ASTN2: variants seen among roughly 807,000 people sequenced by gnomAD.
The protein encoded by ASTN2 is astrotactin-2.
In ASTN2, 54 loss-of-function variants were observed where a neutral mutation model predicts 139.8. The observed-to-expected ratio is 0.39, with a 90% confidence interval of 0.31 to 0.48. The LOEUF (loss-of-function observed/expected upper bound fraction) is 0.48. Among genes scored for constraint, ASTN2 ranks in the 20% least tolerant of loss-of-function variants. The pLI is 0.95. For synonymous variants in ASTN2, 756 were observed against 719.5 expected, an observed-to-expected ratio of 1.05 and a Z score of -0.81; for missense variants, 1,565 against 1,725.1, an observed-to-expected ratio of 0.91 and a Z score of 1.64.
chr9:117,254,806 C>T (rs897417152), intron 2 of ASTN2, among the ~76,000 whole-genome samples: 3 of 151,928 alleles, frequency 2.0e-5, no homozygotes, highest in Non-Finnish European at 4.4e-5. Context: ...ACTGTCTATT[C>T]TGTTCGATTA....
At chr9:116,621,270 G>C (rs1398064016) in intron 17 of ASTN2, among the ~76,000 whole-genome samples, 3 of 152,136 alleles carry the variant, frequency 2.0e-5, no homozygotes, top group Non-Finnish European at 4.4e-5. Flanking sequence ...GAATTGGCAT[G>C]GTTGTGTTCC....
chr9:116,827,328 A>G (rs1483801850), intron 11 of ASTN2, among the ~76,000 whole-genome samples: 1 of 151,430 alleles, frequency 6.6e-6, no homozygotes, highest in Non-Finnish European at 1.5e-5. Context: ...AAAAAAAAAA[A>G]AAAAAGAACT....
At chr9:117,289,707 GCC>G (rs993426123) in intron 2 of ASTN2, among the ~76,000 whole-genome samples, 2 of 152,166 alleles carry the variant, frequency 1.3e-5, no homozygotes, top group Non-Finnish European at 1.5e-5. Flanking sequence ...CTCAGCAAGT[GCC>G]CTGAGATGGT....
At chr9:117,222,427 A>G (rs1430776996) in intron 2 of ASTN2, among the ~76,000 whole-genome samples, 1 of 152,136 alleles carries the variant, frequency 6.6e-6, no homozygotes, top group Non-Finnish European at 1.5e-5. Flanking sequence ...GGGGCCTGAA[A>G]GGAGACTTGT....
chr9:117,115,754 G>A (rs112641963), intron 4 of ASTN2, among the ~76,000 whole-genome samples: 10 of 152,004 alleles, frequency 6.6e-5, no homozygotes, highest in South Asian at 4.2e-4. Context: ...GGCCGGGCGC[G>A]GTGGCTCACA....
At chr9:116,843,053 T>G (rs930133329) in intron 11 of ASTN2, among the ~76,000 whole-genome samples, 1 of 152,200 alleles carries the variant, frequency 6.6e-6, no homozygotes, top group Non-Finnish European at 1.5e-5. Context: ...CTGAAGAATC[T>G]TATGTATCCT....
intron 19 of ASTN2, chr9:116,545,961 T>C (rs1264728004): frequency 6.6e-6 from 1 of 152,158 alleles, no homozygotes; most frequent in East Asian, 1.9e-4. Context: ...GGAAGTTGAG[T>C]TCCAGAGTGG....
intron 19 of ASTN2, among the ~76,000 whole-genome samples, chr9:116,614,864 T>G (rs191346072): frequency 6.6e-6 from 1 of 152,100 alleles, no homozygotes. Flanking sequence ...CAAGCCAAAA[T>G]TGACAAATGG....
intron 2 of ASTN2, among the ~76,000 whole-genome samples, chr9:117,257,619 A>G (rs1239222001): frequency 2.6e-5 from 4 of 152,170 alleles, no homozygotes; most frequent in Non-Finnish European, 5.9e-5. Context: ...TCTCCCCAGG[A>G]CAGCAGCCAC....
intron 19 of ASTN2, among the ~76,000 whole-genome samples, chr9:116,510,498 T>C (rs1045421959): frequency 2.0e-5 from 3 of 152,136 alleles, no homozygotes; most frequent in African/African-American, 4.8e-5. Flanking sequence ...CTTTTTTGGT[T>C]CCATATGAAC....
chr9:116,979,031 T>C (rs569927958), intron 7 of ASTN2, among the ~76,000 whole-genome samples: 1 of 152,232 alleles, frequency 6.6e-6, no homozygotes, highest in Admixed American at 6.5e-5. Context: ...CTTATTGTTA[T>C]CTCTGATGAA....
chr9:116,973,239 A>T (rs913360804), intron 10 of ASTN2, among the ~76,000 whole-genome samples: 2 of 152,220 alleles, frequency 1.3e-5, no homozygotes, highest in Admixed American at 6.5e-5. Flanking sequence ...CATGGAGCTG[A>T]TGTAAGAATG....
chr9:116,541,737 C>T (rs1851885604), intron 19 of ASTN2, among the ~76,000 whole-genome samples: 1 of 152,196 alleles, frequency 6.6e-6, no homozygotes, highest in African/African-American at 2.4e-5. Flanking sequence ...AATAACTTCT[C>T]AGATTCTGTG....
intron 2 of ASTN2, among the ~76,000 whole-genome samples, chr9:117,245,595 A>G (rs937740147): frequency 3.3e-5 from 5 of 152,190 alleles, no homozygotes; most frequent in Non-Finnish European, 5.9e-5. Flanking sequence ...GTGCAGGGCC[A>G]GGAGGCAGAA....
chr9:117,289,872 A>G lies in ASTN2; in HGVS notation c.630+1454T>C, dbSNP rs1268510482. Among the ~76,000 whole-genome samples, 6 of 152,334 alleles carry G rather than the reference A, an allele frequency of 3.9e-5. No individual in the cohort carries two copies. In the East Asian group the frequency reaches 1.2e-3, roughly 29 times the overall value. ...TGATTTGTTCCTCCACGTGATGAGC[A>G]TGCGTAAGGTCCAAAATTAACATTG... On this transcript the variant is annotated intron_variant, in intron 2 of 22. Transcript: ENST00000313400.
chr9:116,893,418 G>C (rs1243363593), intron 10 of ASTN2, among the ~76,000 whole-genome samples: 2 of 152,170 alleles, frequency 1.3e-5, no homozygotes, highest in Non-Finnish European at 2.9e-5. Context: ...CAGGACTGCA[G>C]GTGCCTAAGA....
chr9:116,731,213 A>C (rs1234906091), intron 14 of ASTN2, among the ~76,000 whole-genome samples: 5 of 123,958 alleles, frequency 4.0e-5, no homozygotes, highest in South Asian at 5.8e-4. Context: ...TAATAATAAT[A>C]ATAATAATAA....
At chr9:116,472,822 G>C (rs1002909842) in intron 20 of ASTN2, among the ~76,000 whole-genome samples, 1 of 151,724 alleles carries the variant, frequency 6.6e-6, no homozygotes, top group Admixed American at 6.6e-5. Context: ...AGCTACTCAG[G>C]AGGCTGAGGC....
chr9:116,601,789 G>T (rs1248344407), intron 19 of ASTN2, among the ~76,000 whole-genome samples: 1 of 152,144 alleles, frequency 6.6e-6, no homozygotes, highest in Non-Finnish European at 1.5e-5. Flanking sequence ...GTGAGATATC[G>T]AATTACAGAT....
Sources: allele counts gnomAD v4.1 joint callset (sites outside exome capture counted in the v4.1 genomes callset), GRCh38; gene constraint gnomAD v4.1.1; transcripts MANE v1.5; gene names NCBI Gene and HGNC (gene_info 2026-07-23, HGNC 2026-07-21).